Variants in NREP observed in about 807,000 individuals in gnomAD.
The protein encoded by NREP is neuronal regeneration-related protein.
NREP carries 5 observed loss-of-function variants against 8.6 expected under a neutral mutation model. The observed-to-expected ratio is 0.58, with a 90% confidence interval of 0.30 to 1.22. NREP has a LOEUF of 1.22. NREP is among the 50% of genes most tolerant of loss of function. The probability of loss-of-function intolerance (pLI) is 0.07; values close to 1 mark genes in which losing one functional copy is unlikely to be tolerated. For synonymous variants in NREP, 27 were observed against 28.0 expected (o/e 0.96, Z 0.11); for missense variants, 86 against 82.5 (o/e 1.04, Z -0.17).
intron 2 of NREP, among the ~76,000 whole-genome samples, chr5:111,958,023 G>A (rs1226830820): frequency 2.0e-5 from 3 of 151,946 alleles, no homozygotes; most frequent in African/African-American, 7.2e-5. Context: ...ACATGCTAAA[G>A]TGAAGCTTTC....
At chr5:111,811,033 C>G (rs963347348) in intron 2 of NREP, among the ~76,000 whole-genome samples, 5 of 152,096 alleles carry the variant, frequency 3.3e-5, no homozygotes, top group Admixed American at 6.6e-5. Flanking sequence ...AATTATAGAG[C>G]CTAAAACCAC....
intron 2 of NREP, among the ~76,000 whole-genome samples, chr5:111,835,749 G>C (rs1356193906): frequency 6.6e-6 from 1 of 152,170 alleles, no homozygotes; most frequent in Non-Finnish European, 1.5e-5. Context: ...TTTTGAGCCT[G>C]TTTATATGCT....
intron 2 of NREP, among the ~76,000 whole-genome samples, chr5:111,845,657 A>T (rs1244002531): frequency 6.6e-6 from 1 of 152,172 alleles, no homozygotes; most frequent in African/African-American, 2.4e-5. Flanking sequence ...GTACTAATAT[A>T]TTTAAATGTT....
At chr5:111,907,871 T>G in intron 2 of NREP, among the ~76,000 whole-genome samples, 1 of 152,078 alleles carries the variant, frequency 6.6e-6, no homozygotes, top group East Asian at 1.9e-4. Context: ...TTACTATACC[T>G]GTAGGAATTA....
chr5:111,941,557 G>A (rs936319826), intron 2 of NREP, among the ~76,000 whole-genome samples: 2 of 152,044 alleles, frequency 1.3e-5, no homozygotes, highest in Non-Finnish European at 2.9e-5. Flanking sequence ...AACAGGCTCT[G>A]TAAACAGCCT....
At chr5:111,824,834 T>C (rs10478065) in intron 2 of NREP, among the ~76,000 whole-genome samples, 2,246 of 152,310 alleles carry the variant, frequency 0.015, 52 homozygotes, top group African/African-American at 0.051. Context: ...CTTGAGTGCA[T>C]AGGTGTATAG....
At chr5:111,757,378 C>T, upstream of NREP, 1 of 956,794 alleles carries the variant, frequency 1.0e-6, no homozygotes, top group Non-Finnish European at 1.2e-6. Flanking sequence ...ATCTCCCTGC[C>T]TCGCGCTCTC....
Position 111,904,811 on chromosome 5 carries a change from T to C in NREP, c.135+70463A>G, listed in dbSNP as rs116651584. ...CCTTCCCTTCTCTGTTATCTCATTA[T>C]CTATTGCAGAAAACAAGACCAAGAA... On this transcript the variant is annotated intron_variant, in intron 2 of 3. Coordinates refer to the NREP transcript ENST00000395634. Among the ~76,000 whole-genome samples, 1,363 of 152,240 alleles carry C rather than the reference T, an allele frequency of 9.0e-3. 23 individuals carry two copies. Among genetic ancestry groups the C allele is most frequent in the African/African-American group, 0.031 (1,299 of 41,566 alleles).
chr5:111,744,562 GA>G (rs1402225038), intron 2 of NREP, among the ~76,000 whole-genome samples: 5 of 152,152 alleles, frequency 3.3e-5, no homozygotes, highest in African/African-American at 1.2e-4. Flanking sequence ...AATAGGGTTA[GA>G]ATGGATATGC....
chr5:111,779,764 T>C lies in NREP; in HGVS notation c.136-44257A>G, dbSNP rs986159927. Among the ~76,000 whole-genome samples, 13 of 152,222 alleles carry C rather than the reference T, an allele frequency of 8.5e-5. No individual in the cohort carries two copies. In the East Asian group the frequency reaches 1.9e-3, roughly 23 times the overall value. ...GGGTCAATCCATTTCTGAAAGTTTA[T>C]AGGACTTAACAGTAGGCTTTGGAAA... is the stretch of plus-strand genomic sequence containing the variant. On this transcript the variant is annotated intron_variant, in intron 2 of 3. Coordinates refer to the NREP transcript ENST00000395634.
chr5:111,912,943 A>T (rs191306196), intron 2 of NREP, among the ~76,000 whole-genome samples: 2 of 152,140 alleles, frequency 1.3e-5, no homozygotes, highest in African/African-American at 4.8e-5. Context: ...GTGTTTAAGA[A>T]ATATTTGTTC....
chr5:111,850,486 T>C (rs1201041472), intron 2 of NREP, among the ~76,000 whole-genome samples: 1 of 152,180 alleles, frequency 6.6e-6, no homozygotes, highest in African/African-American at 2.4e-5. Flanking sequence ...CTCACCCACA[T>C]GATTCCACTT....
intron 2 of NREP, among the ~76,000 whole-genome samples, chr5:111,940,388 C>A (rs1292348666): frequency 6.6e-6 from 1 of 152,048 alleles, no homozygotes; most frequent in Non-Finnish European, 1.5e-5. Flanking sequence ...GAAGTTGTTG[C>A]CTTCTCTCTG....
intron 2 of NREP, among the ~76,000 whole-genome samples, chr5:111,740,443 G>T (rs1418243978): frequency 6.6e-6 from 1 of 152,030 alleles, no homozygotes; most frequent in Non-Finnish European, 1.5e-5. Flanking sequence ...AAAATACTCA[G>T]GGTTTTGTCC....
chr5:111,769,784 C>T (rs1751174810), intron 2 of NREP, among the ~76,000 whole-genome samples: 1 of 152,122 alleles, frequency 6.6e-6, no homozygotes, highest in South Asian at 2.1e-4. Flanking sequence ...ACCACCAGAT[C>T]TTGAGAGAAC....
At position 111,811,086 on chromosome 5, in the gene NREP, T is replaced by C. The variant is rs146318000; in HGVS notation, c.136-75579A>G. Among the ~76,000 whole-genome samples the C allele has an allele frequency of 4.4e-4, 67 of 152,304 alleles. No homozygotes were observed. The East Asian group carries it at 0.012, about 28-fold the overall frequency. ...AGTACAATAGTGTGGAATAAACACT[T>C]AGCTTGTGCTCCCAAACCTTCGCTA... On this transcript the variant is annotated intron_variant, in intron 2 of 3. Coordinates refer to the NREP transcript ENST00000395634.
chr5:111,954,676 G>A (rs566381282), intron 2 of NREP, among the ~76,000 whole-genome samples: 1 of 152,138 alleles, frequency 6.6e-6, no homozygotes, highest in African/African-American at 2.4e-5. Context: ...AGGGAACAGA[G>A]ATACAAAGCA....
intron 2 of NREP, among the ~76,000 whole-genome samples, chr5:111,835,833 T>A (rs1029550748): frequency 6.6e-6 from 1 of 151,970 alleles, no homozygotes; most frequent in Non-Finnish European, 1.5e-5. Context: ...CATAGGGAAA[T>A]TAGGACAAAA....
Position 111,729,776 on chromosome 5 carries a change from A to C in NREP, c.*1145T>G, listed in dbSNP as rs1748384768. 6.6e-6 allele frequency: 1 copy of C among 152,620 alleles called. No individual in the cohort carries two copies. Among genetic ancestry groups the C allele is most frequent in the Non-Finnish European group, 1.5e-5 (1 of 68,036 alleles). 9.5% of individuals were successfully genotyped at this position (152,620 alleles called of 1,614,324 possible). On this transcript the variant is annotated 3_prime_UTR_variant, in exon 4 of 4. Coordinates refer to ENST00000257435, the MANE Select transcript of NREP (RefSeq NM_004772.4). Reference sequence around the variant, plus strand: ...TCGTTGGGAGCAAGGACAAAAATGTAAATCTACACCTTGCTTATCAAAATT... The same window carrying C: ...TCGTTGGGAGCAAGGACAAAAATGTCAATCTACACCTTGCTTATCAAAATT...
Sources: allele counts gnomAD v4.1 joint callset (sites outside exome capture counted in the v4.1 genomes callset), GRCh38; gene constraint gnomAD v4.1.1; transcripts MANE v1.5; gene names NCBI Gene and HGNC (gene_info 2026-07-23, HGNC 2026-07-21).